Variants in GSE1 observed in about 807,000 individuals in gnomAD.
The protein encoded by GSE1 is genetic suppressor element 1.
In GSE1, 32 loss-of-function variants were observed where a neutral mutation model predicts 112.6. That is an observed-to-expected ratio of 0.28 (90% CI 0.21 to 0.38). The LOEUF (loss-of-function observed/expected upper bound fraction) is 0.38. Ranked by LOEUF, GSE1 falls within the 10% of genes least tolerant of loss-of-function variation. The pLI, the probability that GSE1 is intolerant of heterozygous loss-of-function variation, is 1.00. For missense variants in GSE1, 2,348 were observed against 1,699.2 expected, an observed-to-expected ratio of 1.38 and a Z score of -6.71; for synonymous variants, 1,115 against 735.6, an observed-to-expected ratio of 1.52 and a Z score of -8.35.
intron 2 of GSE1, among the ~76,000 whole-genome samples, chr16:85,494,532 A>G (rs1364050469): frequency 1.3e-5 from 2 of 149,486 alleles, no homozygotes; most frequent in East Asian, 3.9e-4. Context: ...AGCTCACTGC[A>G]GCCTCCACTT....
At position 85,675,181 on chromosome 16, in the gene GSE1, C is replaced by T. The variant is rs964693741; in HGVS notation, c.*2642C>T. The T allele has an allele frequency of 1.3e-5, 2 of 152,204 alleles. No individual in the cohort carries two copies. The highest frequency in any genetic ancestry group is 4.8e-5 in the African/African-American group (2 of 41,444). 9.4% of individuals were successfully genotyped at this position (152,204 alleles called of 1,614,324 possible). ...TTAAGTTTTTTGTTCAGCTACTTCA[C>T]ACTGAGTACCTCAAATCTGCTCTGG... On this transcript the variant is annotated 3_prime_UTR_variant, in exon 16 of 16. Coordinates refer to ENST00000253458, the MANE Select transcript of GSE1 (RefSeq NM_014615.5).
chr16:85,330,324 G>A (rs755219373), intron 1 of GSE1, among the ~76,000 whole-genome samples: 4 of 152,226 alleles, frequency 2.6e-5, no homozygotes, highest in Non-Finnish European at 5.9e-5. Flanking sequence ...GGAGTGCTGT[G>A]GGGTGGGGGC....
chr16:85,294,913 T>TG (rs2045325729), intron 1 of GSE1, among the ~76,000 whole-genome samples: 1 of 151,648 alleles, frequency 6.6e-6, no homozygotes, highest in Non-Finnish European at 1.5e-5. Flanking sequence ...TTTTTTAGTT[T>TG]TTGTTTTTTT....
intron 1 of GSE1, among the ~76,000 whole-genome samples, chr16:85,294,191 C>T (rs1030591696): frequency 1.3e-5 from 2 of 152,230 alleles, no homozygotes; most frequent in Non-Finnish European, 2.9e-5. Context: ...CTGCCTCCTT[C>T]CCTCCACCCC....
At chr16:85,386,203 G>A (rs8051907) in intron 2 of GSE1, among the ~76,000 whole-genome samples, 58,335 of 152,072 alleles carry the variant, frequency 0.38, 11,966 homozygotes, top group East Asian at 0.67. Context: ...GCTCAGCATT[G>A]TGGCCAGCAG....
chr16:85,654,295 C>A lies in GSE1; in HGVS notation c.444C>A (p.Ser148Arg). Residue 148 changes from serine (S) to arginine (R), a missense_variant, in exon 4 of 16, where the codon AGC (serine) becomes AGA (arginine). Ser to Arg is a moderately radical substitution (Grantham distance 110). Transcript: ENST00000253458. ...SESRQDAGSR[S>R]SSGGRERLIV... ...TCCCGCAGGATGCCGGCTCCAGGAG[C>A]AGCAGTGGAGGTCGGGAACGCCTCA... The A allele has an allele frequency of 1.2e-6, 2 of 1,603,250 alleles. No homozygotes were observed. The highest frequency in any genetic ancestry group is 1.7e-6 in the Non-Finnish European group (2 of 1,176,044).
chr16:85,526,772 G>A (rs934417833), intron 2 of GSE1, among the ~76,000 whole-genome samples: 9 of 152,272 alleles, frequency 5.9e-5, no homozygotes, highest in Admixed American at 2.6e-4. Context: ...ACGTCCGCTC[G>A]CTCTCTTACA....
intron 2 of GSE1, among the ~76,000 whole-genome samples, chr16:85,547,755 C>T (rs1165275957): frequency 6.6e-6 from 1 of 151,500 alleles, no homozygotes; most frequent in Non-Finnish European, 1.5e-5. Context: ...GTGGCATGTG[C>T]CTGTAATCAG....
chr16:85,251,366 A>G (rs565927685), intron 1 of GSE1, among the ~76,000 whole-genome samples: 103 of 152,362 alleles, frequency 6.8e-4, no homozygotes, highest in Admixed American at 2.1e-3. Flanking sequence ...AATAACACAG[A>G]GTAGGTGCCC....
At position 85,668,250 on chromosome 16, in the gene GSE1, G is replaced by C. The variant is rs1481258669; in HGVS notation, c.3241G>C (p.Gly1081Arg). 1.2e-6 allele frequency: 2 copies of C among 1,611,224 alleles called. No homozygotes were observed. Among genetic ancestry groups the C allele is most frequent in the Non-Finnish European group, 1.7e-6 (2 of 1,177,408 alleles). The change falls in exon 14 of 16, where the codon GGG becomes CGG. Residue 1081 changes from glycine to arginine, a missense_variant. By Grantham distance (125) the Gly-to-Arg change is moderately radical. Transcript: ENST00000253458. Reference sequence around the variant, plus strand: ...CCGCGCCCCTCCACCCCAGCACAATGGGCAGCAGGAGCCCCCCACTGCAAG... The same window carrying C: ...CCGCGCCCCTCCACCCCAGCACAATCGGCAGCAGGAGCCCCCCACTGCAAG... ...SSRAPPPQHN[G>R]QQEPPTARKG...
intron 1 of GSE1, among the ~76,000 whole-genome samples, chr16:85,615,759 C>T (rs886178921): frequency 1.3e-5 from 2 of 152,212 alleles, no homozygotes; most frequent in Admixed American, 6.5e-5. Flanking sequence ...TGTACATCTC[C>T]AAACTCGGTG....
chr16:85,169,786 G>A, exon 1 of GSE1: 1 of 984,236 alleles, frequency 1.0e-6, no homozygotes, highest in African/African-American at 1.7e-5. Context: ...GTTGGTGTGC[G>A]CCGTGTGCCG....
chr16:85,444,450 G>A (rs1056692068), intron 2 of GSE1, among the ~76,000 whole-genome samples: 1 of 152,166 alleles, frequency 6.6e-6, no homozygotes, highest in South Asian at 2.1e-4. Flanking sequence ...GCAGGAGGCC[G>A]CTGGCGTTGA....
At chr16:85,636,039 G>T (rs77554646) in intron 2 of GSE1, among the ~76,000 whole-genome samples, 2,370 of 152,302 alleles carry the variant, frequency 0.016, 53 homozygotes, top group African/African-American at 0.054. Flanking sequence ...GCCAGAGGCC[G>T]CTGGTCCCCA....
chr16:85,522,698 C>T (rs1002422430), intron 2 of GSE1, among the ~76,000 whole-genome samples: 1 of 152,074 alleles, frequency 6.6e-6, no homozygotes, highest in Admixed American at 6.6e-5. Flanking sequence ...AGTGGGTGCT[C>T]GTGTGGGTGT....
chr16:85,542,137 C>T (rs1249674892), intron 2 of GSE1, among the ~76,000 whole-genome samples: 3 of 152,108 alleles, frequency 2.0e-5, no homozygotes, highest in South Asian at 4.1e-4. Context: ...GCCCGCTCTG[C>T]GTGTGATTGT....
intron 2 of GSE1, among the ~76,000 whole-genome samples, chr16:85,395,224 A>G (rs2047938822): frequency 6.6e-6 from 1 of 152,130 alleles, no homozygotes; most frequent in Non-Finnish European, 1.5e-5. Flanking sequence ...ATGGAATGGA[A>G]CCGAATGAAC....
intron 1 of GSE1, among the ~76,000 whole-genome samples, chr16:85,195,021 A>G (rs955681895): frequency 6.6e-6 from 1 of 152,018 alleles, no homozygotes; most frequent in African/African-American, 2.4e-5. Context: ...CACTCAGGAG[A>G]TTTGTGAGGT....
intron 2 of GSE1, among the ~76,000 whole-genome samples, chr16:85,521,242 G>C (rs2052175847): frequency 6.6e-6 from 1 of 152,180 alleles, no homozygotes; most frequent in Non-Finnish European, 1.5e-5. Context: ...GTGGGAGCTG[G>C]TTTTCTGTTT....
Sources: allele counts gnomAD v4.1 joint callset (sites outside exome capture counted in the v4.1 genomes callset), GRCh38; gene constraint gnomAD v4.1.1; transcripts MANE v1.5; gene names NCBI Gene and HGNC (gene_info 2026-07-23, HGNC 2026-07-21).